PTDSS1: variants seen among roughly 807,000 people sequenced by gnomAD.
PTDSS1 encodes PSS-1.
Under a neutral mutation model 70.5 loss-of-function variants are expected in PTDSS1, and 45 were observed. The ratio of observed to expected loss-of-function variants is 0.64; its 90% CI spans 0.50 to 0.82. The LOEUF (loss-of-function observed/expected upper bound fraction) is 0.82, where lower values mean the gene tolerates loss of function less well. PTDSS1 is among the 40% of genes least tolerant of loss of function. The pLI, the probability that PTDSS1 is intolerant of heterozygous loss-of-function variation, is 0.00. For missense variants in PTDSS1, 417 were observed against 586.1 expected (o/e 0.71, Z 2.98); for synonymous variants, 188 against 203.8 (o/e 0.92, Z 0.66).
At chr8:96,324,928 T>C (rs1489872991) in intron 10 of PTDSS1, among the ~76,000 whole-genome samples, 1 of 152,240 alleles carries the variant, frequency 6.6e-6, no homozygotes, top group Non-Finnish European at 1.5e-5. Context: ...CCATTTCTTA[T>C]GCTCCCATTG....
At chr8:96,307,270 T>C (rs1811138615) in intron 8 of PTDSS1, among the ~76,000 whole-genome samples, 1 of 152,092 alleles carries the variant, frequency 6.6e-6, no homozygotes, top group Admixed American at 6.5e-5. Flanking sequence ...GGTACAAATA[T>C]AATTTAAGCA....
At chr8:96,276,851 A>T (rs1419593110) in intron 2 of PTDSS1, among the ~76,000 whole-genome samples, 2 of 152,066 alleles carry the variant, frequency 1.3e-5, no homozygotes, top group African/African-American at 4.8e-5. Flanking sequence ...TCTGTTGCTC[A>T]TGTGTTGTCT....
intron 5 of PTDSS1, among the ~76,000 whole-genome samples, chr8:96,298,849 G>A (rs754358643): frequency 2.6e-5 from 4 of 152,064 alleles, no homozygotes; most frequent in Non-Finnish European, 4.4e-5. Flanking sequence ...AGACCAGCCT[G>A]GCCAACATGG....
intron 4 of PTDSS1, 127 bp downstream of exon 4, chr8:96,287,273 C>A: frequency 7.6e-7 from 1 of 1,312,958 alleles, no homozygotes; most frequent in Non-Finnish European, 1.0e-6. Flanking sequence ...AAAACCAGGT[C>A]TCTGGGAGGG....
chr8:96,295,252 C>G lies in PTDSS1; in HGVS notation c.596C>G (p.Thr199Ser). Residue 199 changes from threonine to serine, a missense_variant, in exon 5 of 13, where the codon ACT becomes AGT. Transcript: ENST00000517309. ...ACAATCAGTATTACCTGGGAGCTGA[C>G]TGAGGTAAGAAGGAGGGCATTGGGG... ...CWTISITWEL[T>S]ELFFMHLLPN... The G allele has an allele frequency of 6.2e-7, 1 of 1,613,008 alleles. No homozygotes were observed. The highest frequency in any genetic ancestry group is 8.5e-7 in the Non-Finnish European group (1 of 1,179,416).
At chr8:96,317,291 G>A (rs1046164851) in intron 9 of PTDSS1, among the ~76,000 whole-genome samples, 3 of 151,882 alleles carry the variant, frequency 2.0e-5, no homozygotes, top group African/African-American at 7.3e-5. Flanking sequence ...CCACACTTAT[G>A]TAATCCCATA....
chr8:96,267,292 C>T (rs1369526259), intron 1 of PTDSS1, among the ~76,000 whole-genome samples: 2 of 152,204 alleles, frequency 1.3e-5, no homozygotes, highest in African/African-American at 2.4e-5. Context: ...TCATAGTCCT[C>T]ATTGCCTCTA....
chr8:96,306,332 A>ACATC (rs1270600275), intron 7 of PTDSS1, 112 bp from the exon 8 acceptor site: 1 of 802,940 alleles, frequency 1.2e-6, no homozygotes. Flanking sequence ...CTATTCTCTG[A>ACATC]AAATGCTTTG....
At chr8:96,321,471 T>C (rs1047164601) in intron 10 of PTDSS1, among the ~76,000 whole-genome samples, 10 of 152,230 alleles carry the variant, frequency 6.6e-5, no homozygotes, top group African/African-American at 2.2e-4. Context: ...TCTGAATCCA[T>C]AGGTTTTCCT....
At chr8:96,267,462 C>T (rs1810504203) in intron 1 of PTDSS1, among the ~76,000 whole-genome samples, 2 of 152,148 alleles carry the variant, frequency 1.3e-5, no homozygotes, top group South Asian at 4.1e-4. Context: ...CCTGGCTTCC[C>T]CTCCCTCCAG....
At chr8:96,301,037 G>T (rs1811042857) in intron 6 of PTDSS1, among the ~76,000 whole-genome samples, 1 of 151,960 alleles carries the variant, frequency 6.6e-6, no homozygotes, top group African/African-American at 2.4e-5. Flanking sequence ...ATTTCTATTG[G>T]ATTTACCCTC....
intron 1 of PTDSS1, among the ~76,000 whole-genome samples, chr8:96,266,969 TG>T (rs1384103122): frequency 2.0e-5 from 3 of 152,220 alleles, no homozygotes; most frequent in Non-Finnish European, 1.5e-5. Flanking sequence ...AATATTTATT[TG>T]GCTTAGATGA....
intron 10 of PTDSS1, among the ~76,000 whole-genome samples, chr8:96,326,430 T>C (rs1027642397): frequency 2.6e-4 from 39 of 152,184 alleles, no homozygotes; most frequent in Non-Finnish European, 2.9e-5. Context: ...GTTGAAGTCA[T>C]CTTTTGGCCC....
rs898433772 is a variant in PTDSS1, at chr8:96,312,745, G to A, written c.1073+3123G>A. 3.9e-5 allele frequency among the ~76,000 whole-genome samples: 6 copies of A among 152,218 alleles called. No individual in the cohort carries two copies. In the East Asian group the frequency reaches 5.8e-4, roughly 15 times the overall value. ...GATCCTCCTGTGTGCGTGAACAGCC[G>A]TGAGAGCTGCCCCCTGCACAGTCCA... On this transcript the variant is annotated intron_variant, in intron 9 of 12. Coordinates refer to ENST00000517309, the MANE Select transcript of PTDSS1 (RefSeq NM_014754.3).
At chr8:96,281,840 G>A (rs564287461) in intron 2 of PTDSS1, among the ~76,000 whole-genome samples, 5 of 152,238 alleles carry the variant, frequency 3.3e-5, no homozygotes, top group African/African-American at 4.8e-5. Flanking sequence ...GCATGACCCC[G>A]GGCAGGTTCC....
rs372618616 is a variant in PTDSS1, at chr8:96,326,378, A to C, written c.1174-3835A>C. 3.6e-3 allele frequency among the ~76,000 whole-genome samples: 539 copies of C among 151,790 alleles called. 4 individuals carry two copies. The highest frequency in any genetic ancestry group is 0.012 in the African/African-American group (514 of 41,222). On this transcript the variant is annotated intron_variant, in intron 10 of 12. Coordinates refer to ENST00000517309, the MANE Select transcript of PTDSS1 (RefSeq NM_014754.3). ...GTGCAGTGGAATTTGTTTTTTTTCT[A>C]TCTGTCTCCTCCACACTGCACTCCT...
Position 96,295,265 on chromosome 8 carries a change from G to A in PTDSS1, c.600+9G>A, listed in dbSNP as rs1586194757. The A allele has an allele frequency of 3.1e-6, 5 of 1,611,972 alleles. No homozygotes were observed. Among genetic ancestry groups the A allele is most frequent in the Non-Finnish European group, 4.2e-6 (5 of 1,178,820 alleles). On this transcript the variant is annotated intron_variant, in intron 5 of 12. Transcript: ENST00000517309. ...CCTGGGAGCTGACTGAGGTAAGAAG[G>A]AGGGCATTGGGGGTTCCCCAGACTG...
chr8:96,318,322 TA>T (rs11455106), intron 9 of PTDSS1, among the ~76,000 whole-genome samples: 14 of 148,444 alleles, frequency 9.4e-5, no homozygotes, highest in South Asian at 2.1e-4. Flanking sequence ...AGACTCTATT[TA>T]AAAAAAAAAA....
At chr8:96,332,718 T>A (rs1479350585) in intron 12 of PTDSS1, among the ~76,000 whole-genome samples, 1 of 152,252 alleles carries the variant, frequency 6.6e-6, no homozygotes, top group Non-Finnish European at 1.5e-5. Context: ...AGAAGTCTTC[T>A]GAGTGGGGAA....
Sources: gnomAD v4.1 joint callset for allele counts (sites outside exome capture counted in the v4.1 genomes callset) on GRCh38, gnomAD v4.1.1 for gene constraint, MANE v1.5 for transcripts, NCBI Gene and HGNC (gene_info 2026-07-23, HGNC 2026-07-21) for gene names.